Variants in FLI1 observed in about 807,000 individuals in gnomAD.
FLI1 encodes the protein Fli-1 proto-oncogene, ETS transcription factor, also known as Friend leukemia integration 1 transcription factor.
In FLI1, 13 loss-of-function variants were observed where a neutral mutation model predicts 53.1. That is an observed-to-expected ratio of 0.24 (90% CI 0.16 to 0.39). The LOEUF (loss-of-function observed/expected upper bound fraction) is 0.39, where lower values mean the gene tolerates loss of function less well. FLI1 is among the 10% of genes least tolerant of loss of function. FLI1 has a pLI of 1.00. For missense variants in FLI1, 424 were observed against 600.5 expected, an observed-to-expected ratio of 0.71 and a Z score of 3.07; for synonymous variants, 244 against 236.7, an observed-to-expected ratio of 1.03 and a Z score of -0.28.
intron 1 of FLI1, among the ~76,000 whole-genome samples, chr11:128,710,106 C>T (rs1430548324): frequency 6.6e-6 from 1 of 152,172 alleles, no homozygotes; most frequent in Non-Finnish European, 1.5e-5. Flanking sequence ...TTATTCTCAT[C>T]ATGCATCATC....
chr11:128,707,864 C>G (rs551132869), intron 1 of FLI1, among the ~76,000 whole-genome samples: 1 of 152,330 alleles, frequency 6.6e-6, no homozygotes, highest in African/African-American at 2.4e-5. Context: ...TGATTCACTT[C>G]CAATTAAAGG....
At chr11:128,695,640 T>G (rs528546827) in intron 1 of FLI1, among the ~76,000 whole-genome samples, 2 of 151,766 alleles carry the variant, frequency 1.3e-5, no homozygotes, top group East Asian at 3.9e-4. Context: ...AACTTGCAAA[T>G]CTGGAGATGA....
Position 128,768,180 on chromosome 11 carries a change from A to G in FLI1, c.293A>G (p.Asn98Ser), listed in dbSNP as rs1941417495. The part of the protein sequence containing the change: ...CSKLVGGGES[N>S]PMNYNSYMDE... ...AAGCTGGTGGGCGGAGGCGAGTCCA[A>G]CCCCATGAACTACAACAGCTATATG... The change falls in exon 3 of 9, where the codon AAC becomes AGC. Residue 98 changes from asparagine (N) to serine (S), a missense_variant. This residue lies in a region of FLI1 where 137 missense variants were observed against 169.1 expected (regional missense o/e 0.81). Transcript: ENST00000527786. 1 of 1,613,696 alleles carries G rather than the reference A, an allele frequency of 6.2e-7. No homozygotes were observed. The highest frequency in any genetic ancestry group is 8.5e-7 in the Non-Finnish European group (1 of 1,179,816).
chr11:128,726,552 C>T (rs1293815101), intron 1 of FLI1, among the ~76,000 whole-genome samples: 1 of 150,064 alleles, frequency 6.7e-6, no homozygotes, highest in Admixed American at 6.6e-5. Context: ...CTACCCCCAC[C>T]CCCGCCTAAG....
chr11:128,726,188 C>T (rs773438748), intron 1 of FLI1, among the ~76,000 whole-genome samples: 4 of 152,158 alleles, frequency 2.6e-5, no homozygotes, highest in South Asian at 2.1e-4. Flanking sequence ...CTCCCCCAAC[C>T]GCTGGCTCAG....
intron 1 of FLI1, among the ~76,000 whole-genome samples, chr11:128,740,481 T>G (rs1940088018): frequency 6.6e-6 from 1 of 152,264 alleles, no homozygotes; most frequent in Non-Finnish European, 1.5e-5. Context: ...TCTCCTAGGC[T>G]GGCCTAATCA....
chr11:128,799,530 A>G (rs1942563410), intron 5 of FLI1, among the ~76,000 whole-genome samples: 2 of 152,216 alleles, frequency 1.3e-5, no homozygotes, highest in Non-Finnish European at 2.9e-5. Context: ...CAACATGACC[A>G]AGGTCACTCC....
Position 128,694,136 on chromosome 11 carries a change from C to A in FLI1, c.-123C>A. The A allele has an allele frequency of 1.9e-6, 2 of 1,044,928 alleles. No homozygotes were observed. Among genetic ancestry groups the A allele is most frequent in the Non-Finnish European group, 2.7e-6 (2 of 749,764 alleles). The allele number at this position is 1,044,928 out of a possible 1,614,324, so 64.7% of individuals were successfully genotyped here. On this transcript the variant is annotated 5_prime_UTR_variant, in exon 1 of 9. Transcript: ENST00000527786. The stretch of plus-strand genomic sequence containing the variant: ...GTGAGGGCAGGGCGCTCGCAGGGGG[C>A]ACGCAGGGAGGGCCCAGGGCGCCAG...
In FLI1 at chr11:128,719,356, CGTGTGTGTGTGTGTGT is replaced by C. The variant is rs56336914; in HGVS notation, c.18+25105_18+25120del. On this transcript the variant is annotated intron_variant, in intron 1 of 8. Transcript: ENST00000527786. ...GTGTGTACTCTTTCTCCCCTTTTCC[CGTGTGTGTGTGTGTGT>C]GTGTGTGTGTGTGTGTGTGTGTGTA... Among the ~76,000 whole-genome samples the C allele has an allele frequency of 7.9e-3, 1,147 of 145,298 alleles. 9 individuals are homozygous for C. Among genetic ancestry groups the C allele is most frequent in the African/African-American group, 0.025 (954 of 38,862 alleles).
At chr11:128,705,912 C>T (rs1430132003) in intron 1 of FLI1, among the ~76,000 whole-genome samples, 1 of 151,550 alleles carries the variant, frequency 6.6e-6, no homozygotes, top group Admixed American at 6.6e-5. Context: ...CTTTTTTTTT[C>T]CCCACAGCAT....
chr11:128,744,183 G>A (rs1388517601), intron 1 of FLI1, among the ~76,000 whole-genome samples: 2 of 152,220 alleles, frequency 1.3e-5, no homozygotes, highest in African/African-American at 2.4e-5. Context: ...AGACAGAGTG[G>A]CCATATAATG....
intron 1 of FLI1, among the ~76,000 whole-genome samples, chr11:128,698,101 C>G (rs1211267926): frequency 3.9e-5 from 6 of 152,106 alleles, no homozygotes. Context: ...AAAGAAGGGC[C>G]AGGGTTATGG....
intron 1 of FLI1, among the ~76,000 whole-genome samples, chr11:128,719,702 C>T (rs1370911743): frequency 4.6e-5 from 7 of 152,112 alleles, no homozygotes; most frequent in African/African-American, 1.7e-4. Flanking sequence ...AAGGGCAAGG[C>T]GCTGGGCAGG....
intron 1 of FLI1, among the ~76,000 whole-genome samples, chr11:128,700,700 C>T (rs1938290256): frequency 6.6e-6 from 1 of 152,058 alleles, no homozygotes; most frequent in South Asian, 2.1e-4. Flanking sequence ...ATGGAGAAAC[C>T]TAGTCTCTAC....
At chr11:128,795,589 T>C (rs1281650951) in intron 5 of FLI1, among the ~76,000 whole-genome samples, 1 of 146,196 alleles carries the variant, frequency 6.8e-6, no homozygotes, top group Non-Finnish European at 1.5e-5. Context: ...AGACAGAGTC[T>C]TGCCCTCTCG....
chr11:128,777,743 G>A (rs1941780751), intron 4 of FLI1, among the ~76,000 whole-genome samples: 1 of 152,260 alleles, frequency 6.6e-6, no homozygotes, highest in Non-Finnish European at 1.5e-5. Context: ...AGAGAAAAGA[G>A]AGACCTGGAT....
At chr11:128,708,032 G>A (rs979744935) in intron 1 of FLI1, among the ~76,000 whole-genome samples, 1 of 152,164 alleles carries the variant, frequency 6.6e-6, no homozygotes, top group Admixed American at 6.5e-5. Context: ...AGAATGTTTT[G>A]TTAGTGTGCA....
rs1148066 is a variant in FLI1 at position 128,812,711 on chromosome 11, G to T, written c.*1723G>T. The stretch of plus-strand genomic sequence containing the variant: ...CAAAGCGAGCTGGTCTATCCAGACT[G>T]GTCTGTGAGATTTAACTCTGCAGCC... On this transcript the variant is annotated 3_prime_UTR_variant, in exon 9 of 9. Coordinates refer to ENST00000527786, the MANE Select transcript of FLI1 (RefSeq NM_002017.5). 0.26 allele frequency: 56,895 copies of T among 219,196 alleles called. 7,976 individuals are homozygous for T. Among genetic ancestry groups the T allele is most frequent in the Non-Finnish European group, 0.31 (34,190 of 109,046 alleles). 13.6% of individuals were successfully genotyped at this position (219,196 alleles called of 1,614,324 possible).
chr11:128,697,089 A>G (rs765626305), intron 1 of FLI1, among the ~76,000 whole-genome samples: 1 of 152,180 alleles, frequency 6.6e-6, no homozygotes, highest in Non-Finnish European at 1.5e-5. Context: ...CAGACAGGTT[A>G]ACTTGCAGTA....
Sources: gnomAD v4.1 joint callset for allele counts (sites outside exome capture counted in the v4.1 genomes callset) on GRCh38, gnomAD v4.1.1 for gene constraint, gnomAD v4.1.1 regional missense constraint, MANE v1.5 for transcripts, NCBI Gene and HGNC (gene_info 2026-07-23, HGNC 2026-07-21) for gene names.